DSCAM: variants seen among roughly 807,000 people sequenced by gnomAD.
The protein encoded by DSCAM is cell adhesion molecule DSCAM.
Under a neutral mutation model 217.7 loss-of-function variants are expected in DSCAM, and 47 were observed. The ratio of observed to expected loss-of-function variants is 0.22; its 90% confidence interval spans 0.17 to 0.28. The LOEUF (loss-of-function observed/expected upper bound fraction) is 0.28. Among genes scored for constraint, DSCAM ranks in the 10% least tolerant of loss-of-function variants. The pLI, the probability that DSCAM is intolerant of heterozygous loss-of-function variation, is 1.00. For synonymous variants in DSCAM, 1,056 were observed against 1,015.3 expected (o/e 1.04, Z -0.76); for missense variants, 2,080 against 2,618.3 (o/e 0.79, Z 4.49).
intron 11 of DSCAM, among the ~76,000 whole-genome samples, chr21:40,239,437 TG>T (rs2073119158): frequency 6.6e-6 from 1 of 152,138 alleles, no homozygotes; most frequent in Non-Finnish European, 1.5e-5. Flanking sequence ...ATCACTTTAC[TG>T]TGCAAGAAGA....
chr21:40,631,492 G>A (rs529866076), intron 3 of DSCAM, among the ~76,000 whole-genome samples: 19 of 152,218 alleles, frequency 1.2e-4, no homozygotes, highest in Admixed American at 7.9e-4. Context: ...GTGATTCACC[G>A]TTTTCCTCCA....
At chr21:40,736,117 A>T (rs2091060901) in intron 1 of DSCAM, among the ~76,000 whole-genome samples, 1 of 152,194 alleles carries the variant, frequency 6.6e-6, no homozygotes, top group Non-Finnish European at 1.5e-5. Context: ...AGTTTCAAAT[A>T]AAGGATGTAA....
At chr21:40,322,916 T>C (rs1267915264) in intron 8 of DSCAM, among the ~76,000 whole-genome samples, 3 of 151,966 alleles carry the variant, frequency 2.0e-5, no homozygotes, top group Non-Finnish European at 2.9e-5. Flanking sequence ...GTGGGAGGAG[T>C]TGCACTGACC....
intron 5 of DSCAM, 76 bp from the exon 6 acceptor site, chr21:40,348,021 T>C (rs2074578750): frequency 6.8e-7 from 1 of 1,481,396 alleles, no homozygotes; most frequent in Non-Finnish European, 9.0e-7. Flanking sequence ...GGCTGGACTT[T>C]CAACAAAGCA....
chr21:40,194,881 C>T (rs531234838), intron 11 of DSCAM, among the ~76,000 whole-genome samples: 2 of 152,052 alleles, frequency 1.3e-5, no homozygotes, highest in Non-Finnish European at 2.9e-5. Context: ...CTGAAATTGG[C>T]GAGTGCTAGA....
chr21:40,118,447 TG>T (rs879368771), intron 20 of DSCAM, among the ~76,000 whole-genome samples: 4 of 152,020 alleles, frequency 2.6e-5, no homozygotes, highest in Non-Finnish European at 4.4e-5. Flanking sequence ...ATTAGCCTGG[TG>T]GGGTGGCGGG....
At chr21:40,133,426 G>T (rs2090174137) in intron 19 of DSCAM, among the ~76,000 whole-genome samples, 1 of 152,158 alleles carries the variant, frequency 6.6e-6, no homozygotes, top group African/African-American at 2.4e-5. Context: ...AGCTGGCAAA[G>T]AATAATAGAA....
intron 32 of DSCAM, among the ~76,000 whole-genome samples, chr21:40,033,299 C>A (rs942804714): frequency 3.9e-5 from 6 of 151,946 alleles, no homozygotes; most frequent in African/African-American, 1.5e-4. Flanking sequence ...AGACAGTGGG[C>A]GCAGGTCAGT....
chr21:40,529,212 A>G (rs966189814), intron 3 of DSCAM, among the ~76,000 whole-genome samples: 3 of 152,026 alleles, frequency 2.0e-5, no homozygotes. Flanking sequence ...TTCCATTTTT[A>G]GCCCCTCCTC....
At chr21:40,317,202 T>C (rs1456941166) in intron 8 of DSCAM, among the ~76,000 whole-genome samples, 1 of 152,218 alleles carries the variant, frequency 6.6e-6, no homozygotes, top group Non-Finnish European at 1.5e-5. Flanking sequence ...GGGTATACCT[T>C]CAAGATCTCC....
intron 3 of DSCAM, among the ~76,000 whole-genome samples, chr21:40,548,708 A>G (rs1298642875): frequency 6.6e-6 from 1 of 152,162 alleles, no homozygotes; most frequent in Non-Finnish European, 1.5e-5. Context: ...GGCCAGGGTC[A>G]CAGCCTTTCT....
chr21:40,060,876 T>A (rs542869083), intron 28 of DSCAM, among the ~76,000 whole-genome samples: 22 of 152,316 alleles, frequency 1.4e-4, no homozygotes, highest in African/African-American at 5.3e-4. Context: ...TTTTATCAGA[T>A]CTGCTTAACA....
In DSCAM at chr21:40,382,828, A is replaced by T. The variant is rs371735227; in HGVS notation, c.509-13583T>A. Among the ~76,000 whole-genome samples, 6 of 152,342 alleles carry T rather than the reference A, an allele frequency of 3.9e-5. No individual in the cohort carries two copies. In the East Asian group the frequency reaches 5.8e-4, roughly 15 times the overall value. On this transcript the variant is annotated intron_variant, in intron 3 of 32. Coordinates refer to ENST00000400454, the MANE Select transcript of DSCAM (RefSeq NM_001389.5). The stretch of plus-strand genomic sequence containing the variant: ...TCACAAACTCCATTGCCTTGCAATA[A>T]CCTTTGTAACAAAATGGTATTAATA...
intron 3 of DSCAM, among the ~76,000 whole-genome samples, chr21:40,488,202 A>G (rs2076046131): frequency 6.6e-6 from 1 of 152,214 alleles, no homozygotes; most frequent in African/African-American, 2.4e-5. Context: ...CACCTGGAAC[A>G]GTGGCTGGCT....
chr21:40,059,687 A>T (rs1022985788), intron 28 of DSCAM, among the ~76,000 whole-genome samples: 1 of 152,210 alleles, frequency 6.6e-6, no homozygotes, highest in South Asian at 2.1e-4. Context: ...ACAATGTTGA[A>T]TTTTTTATTT....
rs577568308 is a variant in DSCAM, at chr21:40,029,472, T to G, written c.5686+12899A>C. Among the ~76,000 whole-genome samples, 105 of 152,008 alleles carry G rather than the reference T, an allele frequency of 6.9e-4. 1 individual carries two copies. Among genetic ancestry groups the G allele is most frequent in the Non-Finnish European group, 1.2e-3 (81 of 67,990 alleles). On this transcript the variant is annotated intron_variant, in intron 32 of 32. Transcript: ENST00000400454. ...AAAAGGCCACTGCCTGGTGCCAACTTGTTAATTCACTAAATTGCCAGTAAT... is the reference window on the plus strand; with the variant it reads ...AAAAGGCCACTGCCTGGTGCCAACTGGTTAATTCACTAAATTGCCAGTAAT...
intron 3 of DSCAM, among the ~76,000 whole-genome samples, chr21:40,440,916 T>C (rs566686569): frequency 1.3e-5 from 2 of 152,284 alleles, no homozygotes; most frequent in Admixed American, 6.5e-5. Context: ...TCAATGTTAT[T>C]AGAATGGACC....
intron 1 of DSCAM, among the ~76,000 whole-genome samples, chr21:40,782,721 C>A (rs151224685): frequency 1.3e-3 from 199 of 151,952 alleles, no homozygotes; most frequent in Admixed American, 3.6e-3. Context: ...TAGAGTGAGA[C>A]CCTGTCTAAA....
chr21:40,084,335 C>T (rs550598722), intron 23 of DSCAM, among the ~76,000 whole-genome samples: 1 of 152,148 alleles, frequency 6.6e-6, no homozygotes, highest in African/African-American at 2.4e-5. Flanking sequence ...GGATACATGC[C>T]TCATTTTACT....
Sources: gnomAD v4.1 joint callset for allele counts (sites outside exome capture counted in the v4.1 genomes callset) on GRCh38, gnomAD v4.1.1 for gene constraint, MANE v1.5 for transcripts, NCBI Gene and HGNC (gene_info 2026-07-23, HGNC 2026-07-21) for gene names.